The following GC variants were observed in gnomAD, a reference collection of about 807,000 sequenced individuals.
The protein encoded by GC is GC vitamin D binding protein, also known as vitamin D-binding protein.
A neutral mutation model predicts 56.7 loss-of-function variants in GC; 43 were observed. The observed-to-expected ratio is 0.76, with a 90% CI of 0.59 to 0.98. The LOEUF (loss-of-function observed/expected upper bound fraction) is 0.98. Ranked by LOEUF, GC falls within the 50% of genes least tolerant of loss-of-function variation. GC has a pLI of 0.00. For synonymous variants in GC, 216 were observed against 202.7 expected, an observed-to-expected ratio of 1.07 and a Z score of -0.56; for missense variants, 529 against 545.9, an observed-to-expected ratio of 0.97 and a Z score of 0.31.
At chr4:71,765,763 A>G in intron 3 of GC, 120 bp from the exon 4 acceptor site, 1 of 648,510 alleles carries the variant, frequency 1.5e-6, no homozygotes, top group Middle Eastern at 4.3e-4. Context: ...CTATGTATTC[A>G]TGCCAAGGGC....
chr4:71,794,890 TA>T (rs1363371608), intron 1 of GC, among the ~76,000 whole-genome samples: 1 of 152,194 alleles, frequency 6.6e-6, no homozygotes, highest in African/African-American at 2.4e-5. Context: ...AGAACATCTT[TA>T]TTTCTGCTTT....
At chr4:71,800,270 C>T (rs1421675021) in intron 1 of GC, among the ~76,000 whole-genome samples, 1 of 152,048 alleles carries the variant, frequency 6.6e-6, no homozygotes, top group African/African-American at 2.4e-5. Flanking sequence ...TGTGTTGTTC[C>T]CCTCCCTGTG....
At position 71,790,982 on chromosome 4, in the gene GC, A is replaced by G. The variant is rs1029940606; in HGVS notation, c.22-6928T>C. ...AACCCCATTAAAAACTGGGTGAAGG[A>G]CATGAACAGACACTTCTCAAAAGAA... On this transcript the variant is annotated intron_variant, in intron 1 of 13. Transcript: ENST00000504199. Among the ~76,000 whole-genome samples the G allele has an allele frequency of 3.9e-5, 6 of 152,030 alleles. 1 individual carries two copies. Among genetic ancestry groups the G allele is most frequent in the Admixed American group, 3.9e-4 (6 of 15,246 alleles).
chr4:71,759,985 A>C (rs1048668098), intron 6 of GC, among the ~76,000 whole-genome samples: 2 of 152,116 alleles, frequency 1.3e-5, no homozygotes, highest in Non-Finnish European at 2.9e-5. Context: ...AGGACTAGAG[A>C]AACTGTCATT....
intron 1 of GC, among the ~76,000 whole-genome samples, chr4:71,802,320 A>G (rs1443042539): frequency 6.6e-6 from 1 of 152,086 alleles, no homozygotes; most frequent in Non-Finnish European, 1.5e-5. Context: ...CTGGATTGAC[A>G]TTTACCTTCT....
intron 11 of GC, among the ~76,000 whole-genome samples, chr4:71,751,950 T>A (rs1008131401): frequency 2.7e-5 from 4 of 148,834 alleles, no homozygotes; most frequent in Non-Finnish European, 6.1e-5. Context: ...TTCAGTTGCA[T>A]TTTTTTCTTA....
upstream of GC, chr4:71,804,059 T>A: frequency 2.7e-6 from 2 of 747,104 alleles, no homozygotes; most frequent in Non-Finnish European, 4.7e-6. Flanking sequence ...GCATCAACGT[T>A]GGTCTTAGAC....
intron 4 of GC, 94 bp downstream of exon 4, chr4:71,765,338 T>C: frequency 1.1e-6 from 1 of 951,038 alleles, no homozygotes; most frequent in Admixed American, 1.7e-5. Context: ...TTCAGGTTGC[T>C]GTAGAAGAGG....
At chr4:71,751,604 G>A (rs528996587) in intron 11 of GC, among the ~76,000 whole-genome samples, 2 of 152,156 alleles carry the variant, frequency 1.3e-5, no homozygotes, top group South Asian at 4.2e-4. Flanking sequence ...GAGGGGAATA[G>A]GGGAAGGGGT....
intron 1 of GC, among the ~76,000 whole-genome samples, chr4:71,801,131 A>C (rs1245671754): frequency 6.6e-6 from 1 of 152,200 alleles, no homozygotes; most frequent in African/African-American, 2.4e-5. Flanking sequence ...ACCCAACAAT[A>C]AAAAAGACAA....
intron 12 of GC, among the ~76,000 whole-genome samples, chr4:71,744,308 A>G (rs935328399): frequency 8.6e-5 from 13 of 150,486 alleles, no homozygotes; most frequent in African/African-American, 3.2e-4. Context: ...AAAAAACCCA[A>G]ATTAGCTGGG....
chr4:71,800,774 C>T (rs780868639), intron 1 of GC, among the ~76,000 whole-genome samples: 19 of 152,118 alleles, frequency 1.2e-4, no homozygotes, highest in East Asian at 1.9e-4. Context: ...GATTGCCATC[C>T]GACTGGCATG....
intron 7 of GC, 139 bp downstream of exon 7, chr4:71,757,903 T>C (rs1030562394): frequency 2.2e-5 from 14 of 639,298 alleles, no homozygotes; most frequent in African/African-American, 1.8e-4. Flanking sequence ...ATGTTAATAA[T>C]TATTTATATT....
intron 12 of GC, 118 bp from the exon 13 acceptor site, chr4:71,741,988 G>C (rs754626349): frequency 4.4e-6 from 3 of 685,368 alleles, no homozygotes; most frequent in Admixed American, 2.1e-5. Flanking sequence ...TGCCAAAAAT[G>C]ACTCTGTCTA....
intron 1 of GC, among the ~76,000 whole-genome samples, chr4:71,797,968 C>A (rs1743148132): frequency 1.3e-5 from 2 of 152,216 alleles, no homozygotes; most frequent in South Asian, 4.1e-4. Context: ...TTTAGTTACA[C>A]ATATTCCCAA....
At chr4:71,757,742 A>G (rs758873808) in intron 7 of GC, among the ~76,000 whole-genome samples, 21 of 152,216 alleles carry the variant, frequency 1.4e-4, no homozygotes, top group Non-Finnish European at 2.8e-4. Flanking sequence ...TTAAATGACC[A>G]TATGTGGTAA....
At chr4:71,776,717 T>C (rs1272478204) in intron 1 of GC, among the ~76,000 whole-genome samples, 1 of 151,962 alleles carries the variant, frequency 6.6e-6, no homozygotes, top group African/African-American at 2.4e-5. Context: ...TTCCCCATTA[T>C]ATATAGATAT....
intron 1 of GC, among the ~76,000 whole-genome samples, chr4:71,770,147 G>T (rs112435383): frequency 6.6e-6 from 1 of 152,182 alleles, no homozygotes; most frequent in Admixed American, 6.5e-5. Flanking sequence ...TAATGGACAG[G>T]TGTCTGATTC....
At chr4:71,787,244 T>G (rs1742862955), upstream of GC, among the ~76,000 whole-genome samples, 1 of 151,896 alleles carries the variant, frequency 6.6e-6, no homozygotes, top group Admixed American at 6.6e-5. Flanking sequence ...ATGCCTGTGC[T>G]TAAAGTTCAT....
Sources: allele counts gnomAD v4.1 joint callset (sites outside exome capture counted in the v4.1 genomes callset), GRCh38; gene constraint gnomAD v4.1.1; transcripts MANE v1.5; gene names NCBI Gene and HGNC (gene_info 2026-07-23, HGNC 2026-07-21).